SETD5: variants seen among roughly 807,000 people sequenced by gnomAD.
SETD5 encodes the protein histone-lysine N-methyltransferase SETD5.
Under a neutral mutation model 153.3 loss-of-function variants are expected in SETD5, and 44 were observed. The ratio of observed to expected loss-of-function variants is 0.29; its 90% CI spans 0.23 to 0.37. SETD5 has a LOEUF of 0.37. Ranked by LOEUF, SETD5 falls within the 10% of genes least tolerant of loss-of-function variation. The pLI is 1.00. For missense variants in SETD5, 1,544 were observed against 1,768.0 expected (o/e 0.87, Z 2.27); for synonymous variants, 716 against 645.2 (o/e 1.11, Z -1.66).
At chr3:9,431,732 CA>C (rs1365969861) in intron 3 of SETD5, 1 of 985,386 alleles carries the variant, frequency 1.0e-6, no homozygotes, top group African/African-American at 1.7e-5. Flanking sequence ...TGCATATGTT[CA>C]TATTTACCCG....
intron 7 of SETD5, among the ~76,000 whole-genome samples, chr3:9,437,577 T>C (rs943223024): frequency 6.9e-6 from 1 of 145,404 alleles, no homozygotes; most frequent in Non-Finnish European, 1.5e-5. Flanking sequence ...GAGGAAAACA[T>C]GCCTCTCAAA....
At chr3:9,413,649 G>GGTGT (rs1160123997) in intron 1 of SETD5, among the ~76,000 whole-genome samples, 9,289 of 140,374 alleles carry the variant, frequency 0.066, 689 homozygotes, top group African/African-American at 0.18. Context: ...GGGGAGGCGG[G>GGTGT]GTGTGTGTGT....
intron 1 of SETD5, among the ~76,000 whole-genome samples, chr3:9,420,156 A>C (rs899697241): frequency 6.6e-6 from 1 of 152,208 alleles, no homozygotes; most frequent in Admixed American, 6.5e-5. Flanking sequence ...TTGAGCAGTA[A>C]ATACCTTTTT....
intron 1 of SETD5, among the ~76,000 whole-genome samples, chr3:9,410,268 A>G (rs562485042): frequency 2.6e-5 from 4 of 152,338 alleles, no homozygotes; most frequent in African/African-American, 9.6e-5. Context: ...AACATACGGT[A>G]TAAAAGATAA....
At chr3:9,431,820 C>T in intron 3 of SETD5, 5 of 730,902 alleles carry the variant, frequency 6.8e-6, no homozygotes, top group Non-Finnish European at 8.4e-6. Flanking sequence ...TTTCCTTTTT[C>T]CTGTCCCCCT....
intron 19 of SETD5, among the ~76,000 whole-genome samples, chr3:9,472,577 T>C (rs1300887921): frequency 2.0e-5 from 3 of 152,230 alleles, no homozygotes; most frequent in Non-Finnish European, 4.4e-5. Context: ...ATTAATTACA[T>C]CTATGTGTAA....
At chr3:9,452,659 A>ATTTTTTTTTTTT (rs1164278885) in intron 16 of SETD5, among the ~76,000 whole-genome samples, 3 of 59,824 alleles carry the variant, frequency 5.0e-5, no homozygotes, top group South Asian at 5.8e-4. Flanking sequence ...ATGATGTAAG[A>ATTTTTTTTTTTT]TTTTTTTTTT....
At chr3:9,418,632 G>A (rs376101241) in intron 1 of SETD5, among the ~76,000 whole-genome samples, 1 of 151,704 alleles carries the variant, frequency 6.6e-6, no homozygotes, top group Non-Finnish European at 1.5e-5. Context: ...GTGAAACCCC[G>A]TCTCTACTAA....
chr3:9,428,678 C>T (rs780924365), intron 2 of SETD5, 145 bp from the exon 3 acceptor site: 14 of 265,724 alleles, frequency 5.3e-5, no homozygotes, highest in Non-Finnish European at 9.4e-5. Context: ...ACATGGGACA[C>T]TGTGGCTGTA....
At chr3:9,425,055 CTTTTTT>C (rs778883904) in intron 2 of SETD5, among the ~76,000 whole-genome samples, 4 of 83,682 alleles carry the variant, frequency 4.8e-5, no homozygotes, top group African/African-American at 1.5e-4. Context: ...GACAATGTTT[CTTTTTT>C]TTTTTTTTTT....
intron 7 of SETD5, among the ~76,000 whole-genome samples, chr3:9,437,861 G>C (rs1424504612): frequency 6.6e-6 from 1 of 152,044 alleles, no homozygotes; most frequent in African/African-American, 2.4e-5. Context: ...AAATTAGCCA[G>C]GCGTGGTGGC....
rs1459526072 is a variant in SETD5 at position 9,434,537 on chromosome 3, T to A, written c.329+52T>A. ...AGTCTGGGTTGCTGGGATTAGGGTT[T>A]CTTACAAGTAGGGAAAAGCTCAAAG... is the stretch of plus-strand genomic sequence containing the variant. On this transcript the variant is annotated intron_variant, in intron 5 of 22. Transcript: ENST00000402198. This position sits in a 1 kb window ranked among gnomAD's most constrained non-coding sequence, Gnocchi z 5.6. 11 of 1,609,386 alleles carry A rather than the reference T, an allele frequency of 6.8e-6. No individual in the cohort carries two copies. The highest frequency in any genetic ancestry group is 1.7e-4 in the Middle Eastern group (1 of 5,982).
chr3:9,418,528 C>T (rs749211315), intron 1 of SETD5, among the ~76,000 whole-genome samples: 24 of 152,216 alleles, frequency 1.6e-4, no homozygotes, highest in Admixed American at 5.9e-4. Context: ...CTTTACAGGA[C>T]ATCCAGTCAG....
chr3:9,412,410 T>G (rs1198472721), intron 1 of SETD5, among the ~76,000 whole-genome samples: 2 of 143,122 alleles, frequency 1.4e-5, no homozygotes, highest in African/African-American at 5.2e-5. Flanking sequence ...TTTTTTTTTT[T>G]TTTTTTTAAA....
At chr3:9,398,797 G>A (rs2034220411) in intron 1 of SETD5, among the ~76,000 whole-genome samples, 1 of 152,230 alleles carries the variant, frequency 6.6e-6, no homozygotes, top group Non-Finnish European at 1.5e-5. Context: ...GCATGAGAGG[G>A]AAAGTTAAAC....
At position 9,428,869 on chromosome 3, in the gene SETD5, C is replaced by A; in HGVS notation, c.-70C>A. 1.8e-6 allele frequency: 2 copies of A among 1,119,868 alleles called. No homozygotes were observed. Among genetic ancestry groups the A allele is most frequent in the Non-Finnish European group, 2.6e-6 (2 of 756,072 alleles). The allele number at this position is 1,119,868 out of a possible 1,614,324, so 69.4% of individuals were successfully genotyped here. ...GTTGGATGAGGCTCTGCAGCTCACC[C>A]CCACTCTCAGAGTGGTCAGTCTCCA... On this transcript the variant is annotated 5_prime_UTR_variant, in exon 3 of 23. Transcript: ENST00000402198.
At chr3:9,416,051 T>C (rs557104716) in intron 1 of SETD5, among the ~76,000 whole-genome samples, 5 of 152,056 alleles carry the variant, frequency 3.3e-5, no homozygotes, top group African/African-American at 1.2e-4. Flanking sequence ...TTCTTTGTAA[T>C]TTTTTTGTGG....
At chr3:9,469,610 T>TA (rs2045058650) in intron 18 of SETD5, among the ~76,000 whole-genome samples, 1 of 152,224 alleles carries the variant, frequency 6.6e-6, no homozygotes. Flanking sequence ...CCTCAGTTGT[T>TA]AAAGATTCTA....
At position 9,435,978 on chromosome 3, in the gene SETD5, A is replaced by G. The variant is rs550226640; in HGVS notation, c.567+72A>G. The G allele has an allele frequency of 1.2e-5, 17 of 1,386,342 alleles. No individual in the cohort carries two copies. The African/African-American group carries it at 1.5e-4, about 12-fold the overall frequency. The allele number at this position is 1,386,342 out of a possible 1,614,324, so 85.9% of individuals were successfully genotyped here. On this transcript the variant is annotated intron_variant, in intron 7 of 22. Transcript: ENST00000402198. The stretch of plus-strand genomic sequence containing the variant: ...TAAATTTTGGAGCAAGAATGCACCA[A>G]AATTCTTTTAAGAAGTTTGATCCAG...
Sources: gnomAD v4.1 joint callset for allele counts (sites outside exome capture counted in the v4.1 genomes callset) on GRCh38, gnomAD v4.1.1 for gene constraint, Gnocchi (gnomAD v3.1) non-coding constraint, MANE v1.5 for transcripts, NCBI Gene and HGNC (gene_info 2026-07-23, HGNC 2026-07-21) for gene names.